COL4A4: variants seen among roughly 807,000 people sequenced by gnomAD.
COL4A4 encodes collagen alpha-4(IV) chain.
Under a neutral mutation model 192.9 loss-of-function variants are expected in COL4A4, and 105 were observed. That is an observed-to-expected ratio of 0.54 (90% CI 0.46 to 0.64). The LOEUF is 0.64. Among genes scored for constraint, COL4A4 ranks in the 30% least tolerant of loss-of-function variants. The probability of loss-of-function intolerance (pLI) is 0.00; values close to 1 mark genes in which losing one functional copy is unlikely to be tolerated. For synonymous variants in COL4A4, 762 were observed against 769.9 expected (o/e 0.99, Z 0.17); for missense variants, 1,967 against 2,169.3 (o/e 0.91, Z 1.85).
intron 14 of COL4A4, 84 bp from the exon 15 acceptor site, chr2:227,102,932 A>C: frequency 8.5e-7 from 1 of 1,172,440 alleles, no homozygotes; most frequent in Non-Finnish European, 1.3e-6. Flanking sequence ...ATAGGGAAAA[A>C]AAACAAAATG....
chr2:227,109,012 G>C, intron 10 of COL4A4, 144 bp from the exon 11 acceptor site: 3 of 949,422 alleles, frequency 3.2e-6, no homozygotes, highest in Non-Finnish European at 5.2e-6. Flanking sequence ...TCATGGATGG[G>C]CTGTTTTCTG....
intron 25 of COL4A4, among the ~76,000 whole-genome samples, chr2:227,068,710 C>T (rs2058511467): frequency 6.6e-6 from 1 of 151,266 alleles, no homozygotes; most frequent in South Asian, 2.1e-4. Context: ...ATTGATGGGA[C>T]ATATTTCAAA....
At chr2:227,116,094 A>T (rs1303909185) in intron 7 of COL4A4, among the ~76,000 whole-genome samples, 5 of 152,234 alleles carry the variant, frequency 3.3e-5, no homozygotes, top group Admixed American at 2.0e-4. Context: ...TTGGGAGATC[A>T]GTCTCAAATC....
intron 12 of COL4A4, among the ~76,000 whole-genome samples, chr2:227,107,843 C>T (rs1274662835): frequency 3.3e-5 from 5 of 151,238 alleles, no homozygotes; most frequent in Non-Finnish European, 5.9e-5. Context: ...CTGCAAGCTC[C>T]ACCTCCCAGG....
the COL4A4 span, among the ~76,000 whole-genome samples, chr2:226,980,584 C>G: frequency 6.6e-6 from 1 of 152,216 alleles, no homozygotes; most frequent in African/African-American, 2.4e-5. Context: ...ATCCTGGATG[C>G]ATCTCATACA....
At chr2:226,988,463 T>C in the COL4A4 span, 1 of 1,548,344 alleles carries the variant, frequency 6.5e-7, no homozygotes, top group Non-Finnish European at 8.7e-7. Flanking sequence ...CCTTTGAGGC[T>C]GCAGGGTCCC....
At chr2:227,025,725 C>A in intron 43 of COL4A4, 77 bp downstream of exon 43, 1 of 1,316,024 alleles carries the variant, frequency 7.6e-7, no homozygotes, top group Non-Finnish European at 1.1e-6. Context: ...CTCACACATA[C>A]AGAGGAAAAA....
In COL4A4 at chr2:227,078,900, G is replaced by T. The variant is rs557232745; in HGVS notation, c.1804-823C>A. Among the ~76,000 whole-genome samples, 14 of 152,260 alleles carry T rather than the reference G, an allele frequency of 9.2e-5. No individual in the cohort carries two copies. The South Asian group carries it at 2.9e-3, about 32-fold the overall frequency. Reference sequence around the variant, plus strand: ...ATTAGATTGTCAACTACCTTCCTAGGCAGTACTGCTTATAGTAAAATCAAT... The same window carrying T: ...ATTAGATTGTCAACTACCTTCCTAGTCAGTACTGCTTATAGTAAAATCAAT... On this transcript the variant is annotated intron_variant, in intron 24 of 47. Coordinates refer to ENST00000396625, the MANE Select transcript of COL4A4 (RefSeq NM_000092.5).
chr2:226,970,397 T>C, the COL4A4 span, among the ~76,000 whole-genome samples: 13 of 152,192 alleles, frequency 8.5e-5, no homozygotes, highest in South Asian at 1.5e-3. Context: ...TAAGCTTTTT[T>C]CCCCCCTTTT....
rs891270762 is a variant in COL4A4 at position 227,005,251 on chromosome 2, T to A, written c.*2074A>T. The A allele has an allele frequency of 2.6e-5, 4 of 151,994 alleles. No individual in the cohort carries two copies. The highest frequency in any genetic ancestry group is 2.6e-4 in the Admixed American group (4 of 15,256). 9.4% of individuals were successfully genotyped at this position (151,994 alleles called of 1,614,324 possible). A position where few individuals can be genotyped will look rare whatever the true frequency, so the allele number is the denominator to read the frequency against. Reference sequence around the variant, plus strand: ...TTAACTTATGAAGATAATATTCTAATACCAACATTAAAGTGTTTAAAATAA... The same window carrying A: ...TTAACTTATGAAGATAATATTCTAAAACCAACATTAAAGTGTTTAAAATAA... On this transcript the variant is annotated 3_prime_UTR_variant, in exon 48 of 48. Transcript: ENST00000396625.
At chr2:227,101,065 C>G (rs2060492403) in intron 17 of COL4A4, among the ~76,000 whole-genome samples, 2 of 152,182 alleles carry the variant, frequency 1.3e-5, no homozygotes, top group Non-Finnish European at 2.9e-5. Flanking sequence ...GCCTCGGCCT[C>G]CCAAAGTGCT....
At chr2:227,048,192 G>A (rs1488006347) in intron 34 of COL4A4, among the ~76,000 whole-genome samples, 2 of 152,088 alleles carry the variant, frequency 1.3e-5, no homozygotes, top group Non-Finnish European at 2.9e-5. Flanking sequence ...AAATAGATGG[G>A]GTTTCAAGAG....
intron 3 of COL4A4, among the ~76,000 whole-genome samples, chr2:227,140,875 TCACA>T (rs71036159): frequency 0.16 from 21,868 of 139,546 alleles, 2,233 homozygotes; most frequent in African/African-American, 0.3. Context: ...CTTTAGAGCA[TCACA>T]CACACACACA....
In COL4A4 at chr2:227,102,845, C is replaced by T; in HGVS notation, c.874G>A (p.Glu292Lys). 1 of 1,612,624 alleles carries T rather than the reference C, an allele frequency of 6.2e-7. No individual in the cohort carries two copies. The highest frequency in any genetic ancestry group is 8.5e-7 in the Non-Finnish European group (1 of 1,179,078). The change falls in exon 15 of 48, where the codon GAA becomes AAA. Residue 292 changes from glutamate (E) to lysine (K), a missense_variant. Transcript: ENST00000396625. ...TCTCCTTTTGCCCCAATACCAGATT[C>T]TCCCTTTAAGAGATGACAACATTTA... ...GLPGPPGRKG[E>K]SGIGAKGEKG...
intron 26 of COL4A4, among the ~76,000 whole-genome samples, chr2:227,061,222 G>A (rs768234057): frequency 1.3e-5 from 2 of 152,126 alleles, no homozygotes; most frequent in Non-Finnish European, 2.9e-5. Context: ...AAAAATGAAC[G>A]TTCAATCCGT....
intron 22 of COL4A4, among the ~76,000 whole-genome samples, chr2:227,086,535 C>T (rs1049597175): frequency 1.3e-5 from 2 of 151,894 alleles, no homozygotes; most frequent in African/African-American, 4.8e-5. Flanking sequence ...ACTATGACCA[C>T]AATGTAATGA....
At chr2:227,064,399 T>C (rs938512913) in intron 25 of COL4A4, among the ~76,000 whole-genome samples, 3 of 152,168 alleles carry the variant, frequency 2.0e-5, no homozygotes, top group African/African-American at 7.2e-5. Flanking sequence ...CATATGGTAT[T>C]AGTAAAACAG....
Position 227,032,008 on chromosome 2 carries a change from T to C in COL4A4, c.3754A>G (p.Lys1252Glu), listed in dbSNP as rs1968529145. The change falls in exon 40 of 48, where the codon AAG (lysine) becomes GAG (glutamate). Residue 1252 changes from lysine (K) to glutamate (E), a missense_variant. Physicochemically the swap from Lys to Glu is moderately conservative, Grantham distance 56. Coordinates refer to ENST00000396625, the MANE Select transcript of COL4A4 (RefSeq NM_000092.5). ...GGTGGACCCGGGTCAGGAATGTCCT[T>C]AGGAGCTCTTCCTGTGGCACCTGCA... Reference protein sequence around the residue: ...GPAGATGRAPKDIPDPGPPGD... With the variant: ...GPAGATGRAPEDIPDPGPPGD... 2 of 1,613,908 alleles carry C rather than the reference T, an allele frequency of 1.2e-6. No individual in the cohort carries two copies. Among genetic ancestry groups the C allele is most frequent in the African/African-American group, 1.3e-5 (1 of 75,012 alleles).
intron 41 of COL4A4, 43 bp from the exon 42 acceptor site, chr2:227,028,052 G>T: frequency 7.7e-7 from 1 of 1,304,348 alleles, no homozygotes; most frequent in Non-Finnish European, 1.1e-6. Flanking sequence ...ACTGGAATGA[G>T]ACAAGATAAA....
Sources: allele counts gnomAD v4.1 joint callset (sites outside exome capture counted in the v4.1 genomes callset), GRCh38; gene constraint gnomAD v4.1.1; transcripts MANE v1.5; gene names NCBI Gene and HGNC (gene_info 2026-07-23, HGNC 2026-07-21).